The following TENM2 variants were observed in gnomAD, a reference collection of about 807,000 sequenced individuals.
TENM2 encodes the protein teneurin-2.
In TENM2, 52 loss-of-function variants were observed where a neutral mutation model predicts 245.2. The observed-to-expected ratio is 0.21, with a 90% CI of 0.17 to 0.27. TENM2 has a LOEUF of 0.27. Ranked by LOEUF, TENM2 falls within the 10% of genes least tolerant of loss-of-function variation. The pLI, the probability that TENM2 is intolerant of heterozygous loss-of-function variation, is 1.00. For synonymous variants in TENM2, 1,363 were observed against 1,438.9 expected (o/e 0.95, Z 1.19); for missense variants, 3,046 against 3,666.8 (o/e 0.83, Z 4.37).
chr5:168,174,222 C>T (rs2152476099), intron 13 of TENM2, among the ~76,000 whole-genome samples: 1 of 152,276 alleles, frequency 6.6e-6, no homozygotes, highest in Non-Finnish European at 1.5e-5. Context: ...GTTGTGTTGC[C>T]TCCATTGCAC....
chr5:167,533,735 C>T (rs2127595715), intron 2 of TENM2, among the ~76,000 whole-genome samples: 1 of 152,186 alleles, frequency 6.6e-6, no homozygotes, highest in Middle Eastern at 3.4e-3. Context: ...GCTGGGATTA[C>T]AGGAGTGAGC....
At chr5:167,920,327 A>G (rs1777256713) in intron 3 of TENM2, among the ~76,000 whole-genome samples, 1 of 141,880 alleles carries the variant, frequency 7.0e-6, no homozygotes, top group Non-Finnish European at 1.5e-5. Context: ...CCCTGTCTCT[A>G]CTTAAAAAAA....
intron 1 of TENM2, among the ~76,000 whole-genome samples, chr5:167,311,645 C>T (rs1053600535): frequency 6.6e-6 from 1 of 152,078 alleles, no homozygotes; most frequent in East Asian, 1.9e-4. Flanking sequence ...TTACATAAAT[C>T]TTTGTGTATG....
At chr5:167,655,795 C>T (rs6878759) in intron 2 of TENM2, among the ~76,000 whole-genome samples, 23,421 of 152,094 alleles carry the variant, frequency 0.15, 4,328 homozygotes, top group African/African-American at 0.41. Context: ...TTTGTTGAAA[C>T]GTTTTTGACA....
intron 12 of TENM2, among the ~76,000 whole-genome samples, chr5:168,144,055 C>T (rs541918979): frequency 1.7e-4 from 25 of 150,920 alleles, no homozygotes; most frequent in East Asian, 7.8e-4. Flanking sequence ...GACAGAGTTT[C>T]GCCATGTTGG....
chr5:167,969,568 G>T (rs571390422), intron 4 of TENM2, among the ~76,000 whole-genome samples: 155 of 152,308 alleles, frequency 1.0e-3, no homozygotes, highest in African/African-American at 3.6e-3. Context: ...ACTTGAGAAA[G>T]TGGAGGATTT....
At chr5:167,258,925 A>G in the TENM2 span, among the ~76,000 whole-genome samples, 4 of 152,294 alleles carry the variant, frequency 2.6e-5, no homozygotes, top group Non-Finnish European at 5.9e-5. Context: ...AAGAATAGAT[A>G]GCAACTTAAG....
intron 3 of TENM2, among the ~76,000 whole-genome samples, chr5:167,925,741 T>G (rs1777706849): frequency 6.6e-6 from 1 of 152,222 alleles, no homozygotes; most frequent in Non-Finnish European, 1.5e-5. Context: ...TTTTAAAATG[T>G]GGTACATATA....
chr5:167,337,304 T>A (rs74421451), intron 1 of TENM2, among the ~76,000 whole-genome samples: 2,837 of 152,136 alleles, frequency 0.019, 94 homozygotes, highest in African/African-American at 0.065. Context: ...AAAATTAAAC[T>A]CTATCAACAT....
At chr5:167,256,068 T>C in the TENM2 span, among the ~76,000 whole-genome samples, 1 of 152,186 alleles carries the variant, frequency 6.6e-6, no homozygotes, top group African/African-American at 2.4e-5. Flanking sequence ...CATTATGCAT[T>C]CTTTTGGCTT....
chr5:167,383,961 TC>T (rs1160522628), intron 2 of TENM2, among the ~76,000 whole-genome samples: 1 of 152,172 alleles, frequency 6.6e-6, no homozygotes, highest in Admixed American at 6.5e-5. Flanking sequence ...ACCTTTTATT[TC>T]CCAGGTCTAA....
chr5:167,566,285 G>A (rs904493817), intron 2 of TENM2, among the ~76,000 whole-genome samples: 17 of 151,896 alleles, frequency 1.1e-4, no homozygotes, highest in Admixed American at 3.9e-4. Context: ...TGAAAGTAGC[G>A]CCATTAGATG....
chr5:167,069,602 C>A, the TENM2 span, among the ~76,000 whole-genome samples: 2 of 152,062 alleles, frequency 1.3e-5, no homozygotes, highest in African/African-American at 4.8e-5. Context: ...AAATAAAAAT[C>A]AATGTATAGC....
intron 3 of TENM2, among the ~76,000 whole-genome samples, chr5:167,903,467 C>A (rs1315857916): frequency 8.1e-6 from 1 of 123,610 alleles, no homozygotes; most frequent in South Asian, 2.7e-4. Context: ...TTTGAGGTGA[C>A]TTCTTAGCTG....
intron 2 of TENM2, among the ~76,000 whole-genome samples, chr5:167,504,928 A>T (rs1236612571): frequency 6.6e-6 from 1 of 152,074 alleles, no homozygotes; most frequent in African/African-American, 2.4e-5. Flanking sequence ...AGGACAGTAT[A>T]CTATTTTTGA....
At chr5:167,387,025 T>A (rs2127351894) in intron 2 of TENM2, among the ~76,000 whole-genome samples, 1 of 152,126 alleles carries the variant, frequency 6.6e-6, no homozygotes, top group East Asian at 1.9e-4. Flanking sequence ...TTTTAGAATT[T>A]GTTTCTAATT....
chr5:168,216,574 C>G (rs1763216181), intron 21 of TENM2, among the ~76,000 whole-genome samples, 194 bp from the exon 24 acceptor site: 1 of 152,122 alleles, frequency 6.6e-6, no homozygotes, highest in Non-Finnish European at 1.5e-5. Context: ...AGGAACTATA[C>G]AAATCCCAGC....
chr5:168,222,313 A>G (rs1763739566), intron 23 of TENM2, among the ~76,000 whole-genome samples: 1 of 152,222 alleles, frequency 6.6e-6, no homozygotes, highest in Non-Finnish European at 1.5e-5. Context: ...CTTCGGGCTC[A>G]GAGGGGCAGA....
At chr5:168,233,150 A>AC (rs1217774418) in intron 25 of TENM2, among the ~76,000 whole-genome samples, 1 of 152,020 alleles carries the variant, frequency 6.6e-6, no homozygotes, top group Non-Finnish European at 1.5e-5. Flanking sequence ...AAATGGTGAA[A>AC]CCCCATCTCT....
Sources: allele counts gnomAD v4.1 joint callset (sites outside exome capture counted in the v4.1 genomes callset), GRCh38; gene constraint gnomAD v4.1.1; transcripts MANE v1.5; gene names NCBI Gene and HGNC (gene_info 2026-07-23, HGNC 2026-07-21).